The following PLEKHA6 variants were observed in gnomAD, a reference collection of about 807,000 sequenced individuals.
The protein encoded by PLEKHA6 is pleckstrin homology domain-containing family A member 6.
A neutral mutation model predicts 116.7 loss-of-function variants in PLEKHA6; 60 were observed. The ratio of observed to expected loss-of-function variants is 0.51; its 90% confidence interval spans 0.42 to 0.64. The LOEUF is 0.64. Ranked by LOEUF, PLEKHA6 falls within the 30% of genes least tolerant of loss-of-function variation. The probability of loss-of-function intolerance (pLI) is 0.00; values close to 1 mark genes in which losing one functional copy is unlikely to be tolerated. For missense variants in PLEKHA6, 1,338 were observed against 1,422.7 expected (o/e 0.94, Z 0.96); for synonymous variants, 489 against 556.1 (o/e 0.88, Z 1.70).
chr1:204,282,124 G>T (rs1487690937), intron 1 of PLEKHA6, among the ~76,000 whole-genome samples: 1 of 152,170 alleles, frequency 6.6e-6, no homozygotes, highest in Admixed American at 6.5e-5. Context: ...CTGGGCCTGG[G>T]TGGTCCCTTA....
At chr1:204,275,081 T>C in intron 1 of PLEKHA6, 1 of 258,382 alleles carries the variant, frequency 3.9e-6, no homozygotes, top group Non-Finnish European at 6.1e-6. Flanking sequence ...TAAGCCACAC[T>C]GAACTCTTTC....
intron 14 of PLEKHA6, 42 bp downstream of exon 14, chr1:204,245,573 G>T: frequency 1.7e-6 from 2 of 1,200,250 alleles, no homozygotes; most frequent in African/African-American, 1.5e-5. Flanking sequence ...AGCACTCCTG[G>T]TGAGGCAGGC....
At chr1:204,329,379 C>G (rs1672366405) in intron 1 of PLEKHA6, among the ~76,000 whole-genome samples, 1 of 152,154 alleles carries the variant, frequency 6.6e-6, no homozygotes, top group Non-Finnish European at 1.5e-5. Flanking sequence ...ATCCCAGAGC[C>G]TCTACCACAA....
At chr1:204,280,915 C>T (rs951539550) in intron 1 of PLEKHA6, 1 of 581,354 alleles carries the variant, frequency 1.7e-6, no homozygotes, top group Middle Eastern at 9.0e-4. Context: ...AGCCACTTCT[C>T]ATCAGAGGCC....
chr1:204,233,884 C>T (rs559820129), intron 17 of PLEKHA6, among the ~76,000 whole-genome samples: 1 of 151,956 alleles, frequency 6.6e-6, no homozygotes, highest in Non-Finnish European at 1.5e-5. Flanking sequence ...ATTTCAATGA[C>T]ATTTTAGACT....
At chr1:204,320,748 G>A (rs1013458257) in intron 1 of PLEKHA6, among the ~76,000 whole-genome samples, 9 of 152,142 alleles carry the variant, frequency 5.9e-5, no homozygotes, top group African/African-American at 1.9e-4. Flanking sequence ...CAGCACACTG[G>A]GCTGGCCTGC....
At position 204,277,621 on chromosome 1, in the gene PLEKHA6, T is replaced by C. The variant is rs934741452; in HGVS notation, c.-94-2812A>G. 4 of 152,200 alleles carry C rather than the reference T, an allele frequency of 2.6e-5. No individual in the cohort carries two copies. The highest frequency in any genetic ancestry group is 6.5e-5 in the Admixed American group (1 of 15,272). 9.4% of individuals were successfully genotyped at this position (152,200 alleles called of 1,614,324 possible). A position where few individuals can be genotyped will look rare whatever the true frequency, so the allele number is the denominator to read the frequency against. ...CTTCTCAGAGATCCTTCAGATCCTGTGGGCATAAGGGTTAAATGAAGCTCC... is the reference window on the plus strand; with the variant it reads ...CTTCTCAGAGATCCTTCAGATCCTGCGGGCATAAGGGTTAAATGAAGCTCC... On this transcript the variant is annotated intron_variant, in intron 1 of 22. Coordinates refer to ENST00000272203, the MANE Select transcript of PLEKHA6 (RefSeq NM_014935.5). The surrounding 1 kb of genome is among the most constrained non-coding windows in gnomAD (Gnocchi z 4.1).
chr1:204,253,859 AAAAC>A lies in PLEKHA6; in HGVS notation c.1525-3249_1525-3246del, dbSNP rs796448711. ...AAAAAAAAAAAAAAAAACAAAAACA[AAAAC>A]AAACAAACAAACAAAAAGGAATAAT... On this transcript the variant is annotated intron_variant, in intron 9 of 22. Coordinates refer to ENST00000272203, the MANE Select transcript of PLEKHA6 (RefSeq NM_014935.5). 2.0e-3 allele frequency among the ~76,000 whole-genome samples: 310 copies of A among 151,662 alleles called. 1 individual carries two copies. The highest frequency in any genetic ancestry group is 0.016 in the South Asian group (78 of 4,808).
At chr1:204,251,840 T>C (rs986417657) in intron 9 of PLEKHA6, among the ~76,000 whole-genome samples, 1 of 152,206 alleles carries the variant, frequency 6.6e-6, no homozygotes, top group Non-Finnish European at 1.5e-5. Flanking sequence ...GGGACCTTGC[T>C]GGAGGCACTG....
At chr1:204,375,238 C>T (rs1417201487) in intron 1 of PLEKHA6, among the ~76,000 whole-genome samples, 11 of 152,118 alleles carry the variant, frequency 7.2e-5, no homozygotes, top group Non-Finnish European at 1.0e-4. Context: ...CCTCTCTCTT[C>T]AAACTCTATC....
rs547694655 is a variant in PLEKHA6 at position 204,302,105 on chromosome 1, C to T, written c.-94-27296G>A. Reference sequence around the variant, plus strand: ...ATCTACATGAAATTCTTAGAAACGCCCTACTGTGTATCACATGGAGACCTG... The same window carrying T: ...ATCTACATGAAATTCTTAGAAACGCTCTACTGTGTATCACATGGAGACCTG... On this transcript the variant is annotated intron_variant, in intron 1 of 22. Transcript: ENST00000272203. 5.3e-5 allele frequency among the ~76,000 whole-genome samples: 8 copies of T among 152,236 alleles called. No individual in the cohort carries two copies. The South Asian group carries it at 1.7e-3, about 32-fold the overall frequency.
Position 204,257,485 on chromosome 1 carries a change from G to A in PLEKHA6, c.1392C>T (p.Ser464=), listed in dbSNP as rs1471994764. 2.5e-6 allele frequency: 4 copies of A among 1,580,966 alleles called. No homozygotes were observed. The highest frequency in any genetic ancestry group is 1.8e-5 in the Admixed American group (1 of 54,990). Residue 464 remains serine, a synonymous_variant, in exon 9 of 23, where the codon TCC becomes TCT. Transcript: ENST00000272203. This position sits in a 1 kb window ranked among gnomAD's most constrained non-coding sequence, Gnocchi z 6.5. ...GGGAGTAAATGCGGGCACGGCTGTA[G>A]GAGCCCTGGCTGGGTGAGCGGGGCA... is the stretch of plus-strand genomic sequence containing the variant. The part of the protein sequence containing the change: ...HSVPRSPSQG[S]YSRARIYSPV...
intron 1 of PLEKHA6, among the ~76,000 whole-genome samples, chr1:204,373,440 A>G (rs1344312317): frequency 1.3e-5 from 2 of 152,030 alleles, no homozygotes; most frequent in Admixed American, 6.5e-5. Flanking sequence ...GGTTGGTTAC[A>G]AACTCCTGAC....
chr1:204,237,743 G>A (rs918112218), intron 17 of PLEKHA6, among the ~76,000 whole-genome samples: 1 of 152,212 alleles, frequency 6.6e-6, no homozygotes, highest in African/African-American at 2.4e-5. Flanking sequence ...TACCTCAGGG[G>A]TGTATCAACT....
Position 204,221,229 on chromosome 1 carries a change from A to C in PLEKHA6, c.*1559T>G, listed in dbSNP as rs944370484. ...GTGCTCGATAAATATTTGTTGAGTA[A>C]ATTGTCATCTTTACTTGCATATGAA... On this transcript the variant is annotated 3_prime_UTR_variant, in exon 23 of 23. Coordinates refer to ENST00000272203, the MANE Select transcript of PLEKHA6 (RefSeq NM_014935.5). 6.6e-6 allele frequency: 1 copy of C among 152,648 alleles called. No individual in the cohort carries two copies. Among genetic ancestry groups the C allele is most frequent in the African/African-American group, 2.4e-5 (1 of 41,436 alleles). The allele number at this position is 152,648 out of a possible 1,614,324, so 9.5% of individuals were successfully genotyped here.
intron 5 of PLEKHA6, among the ~76,000 whole-genome samples, chr1:204,267,123 G>A (rs1666918230): frequency 6.6e-6 from 1 of 152,174 alleles, no homozygotes; most frequent in Admixed American, 6.5e-5. Context: ...CAATTAGTAG[G>A]TGACCTACTA....
At chr1:204,226,076 C>T (rs1032276971) in intron 21 of PLEKHA6, among the ~76,000 whole-genome samples, 5 of 152,206 alleles carry the variant, frequency 3.3e-5, no homozygotes, top group African/African-American at 1.2e-4. Flanking sequence ...TGACCTGTGC[C>T]CAGCACTGCC....
intron 21 of PLEKHA6, among the ~76,000 whole-genome samples, chr1:204,227,661 G>A (rs890043984): frequency 2.0e-5 from 3 of 152,146 alleles, no homozygotes; most frequent in African/African-American, 7.2e-5. Context: ...CTATTTGCAT[G>A]CAGCAAAAGC....
At chr1:204,285,607 C>G (rs1014259826) in intron 1 of PLEKHA6, among the ~76,000 whole-genome samples, 1 of 152,116 alleles carries the variant, frequency 6.6e-6, no homozygotes, top group Non-Finnish European at 1.5e-5. Context: ...TCCCCAGTAG[C>G]TGGAACGTCA....
Sources: allele counts gnomAD v4.1 joint callset (sites outside exome capture counted in the v4.1 genomes callset), GRCh38; gene constraint gnomAD v4.1.1; non-coding constraint Gnocchi (gnomAD v3.1); transcripts MANE v1.5; gene names NCBI Gene and HGNC (gene_info 2026-07-23, HGNC 2026-07-21).